The following CCDC69 variants were observed in gnomAD, a reference collection of about 807,000 sequenced individuals.
CCDC69 encodes the protein coiled-coil domain containing 69.
CCDC69 carries 38 observed loss-of-function variants against 40.3 expected under a neutral mutation model. The ratio of observed to expected loss-of-function variants is 0.94; its 90% CI spans 0.73 to 1.24. CCDC69 has a LOEUF of 1.24. Ranked by LOEUF, CCDC69 falls within the 50% of genes most tolerant of loss-of-function variation. The pLI, the probability that CCDC69 is intolerant of heterozygous loss-of-function variation, is 0.00. For missense variants in CCDC69, 389 were observed against 357.9 expected, an observed-to-expected ratio of 1.09 and a Z score of -0.70; for synonymous variants, 141 against 138.9, an observed-to-expected ratio of 1.02 and a Z score of -0.11.
chr5:151,219,201 A>G (rs1753098814), intron 1 of CCDC69, among the ~76,000 whole-genome samples: 3 of 152,294 alleles, frequency 2.0e-5, no homozygotes, highest in Admixed American at 2.0e-4. Flanking sequence ...GCCCTTACCA[A>G]CCGAGCTAGA....
chr5:151,198,943 G>A, intron 4 of CCDC69, 54 bp downstream of exon 4: 1 of 1,389,742 alleles, frequency 7.2e-7, no homozygotes, highest in Non-Finnish European at 1.0e-6. Context: ...GGCAGGTGGG[G>A]CCAGAAGGAA....
intron 4 of CCDC69, among the ~76,000 whole-genome samples, chr5:151,197,146 A>G (rs1752710733): frequency 6.6e-6 from 1 of 152,264 alleles, no homozygotes; most frequent in African/African-American, 2.4e-5. Context: ...GGGTTATACA[A>G]TCCCGTTTAT....
chr5:151,214,296 T>C (rs975359730), intron 1 of CCDC69, among the ~76,000 whole-genome samples: 1 of 152,154 alleles, frequency 6.6e-6, no homozygotes, highest in African/African-American at 2.4e-5. Context: ...CAGAGCCTAT[T>C]GGCCGAGGGT....
intron 4 of CCDC69, among the ~76,000 whole-genome samples, chr5:151,197,402 G>A (rs563733457): frequency 1.7e-4 from 26 of 152,172 alleles, no homozygotes; most frequent in East Asian, 5.8e-4. Flanking sequence ...GGTGGCACGC[G>A]CCTGTAGCTA....
intron 1 of CCDC69, among the ~76,000 whole-genome samples, chr5:151,217,839 G>A (rs1753071997): frequency 6.6e-6 from 1 of 152,220 alleles, no homozygotes; most frequent in Non-Finnish European, 1.5e-5. Context: ...CTGGGTGAAT[G>A]TAAATGTAGG....
chr5:151,208,049 G>A (rs527779176), intron 1 of CCDC69, among the ~76,000 whole-genome samples: 4 of 152,206 alleles, frequency 2.6e-5, no homozygotes, highest in African/African-American at 7.2e-5. Flanking sequence ...TCAGGAGTTC[G>A]AGATCAACCT....
intron 1 of CCDC69, among the ~76,000 whole-genome samples, 169 bp from the exon 2 acceptor site, chr5:151,205,644 T>G (rs568583688): frequency 1.4e-4 from 21 of 152,300 alleles, no homozygotes; most frequent in African/African-American, 4.8e-4. Flanking sequence ...CAGCAGACCC[T>G]CTACCGGGGG....
rs1306966758 is a variant in CCDC69, at chr5:151,181,913, C to A, written c.*1524G>T. The A allele has an allele frequency of 6.6e-6, 1 of 152,356 alleles. No homozygotes were observed. Among genetic ancestry groups the A allele is most frequent in the Admixed American group, 6.5e-5 (1 of 15,280 alleles). 9.4% of individuals were successfully genotyped at this position (152,356 alleles called of 1,614,324 possible). ...CACTCCCCTAGCCTCACCTCTTCCC[C>A]CATTTGGCTGTGGAAATGGAGAAAC... On this transcript the variant is annotated 3_prime_UTR_variant, in exon 9 of 9. Coordinates refer to ENST00000355417, the MANE Select transcript of CCDC69 (RefSeq NM_015621.3).
chr5:151,192,966 T>C (rs945353783), intron 4 of CCDC69, among the ~76,000 whole-genome samples: 3 of 152,060 alleles, frequency 2.0e-5, no homozygotes, highest in Non-Finnish European at 4.4e-5. Flanking sequence ...ATAATACAAA[T>C]AAAAATACAG....
chr5:151,183,629 A>G lies in CCDC69; in HGVS notation c.714-15T>C. On this transcript the variant is annotated splice_polypyrimidine_tract_variant and intron_variant, in intron 8 of 8. Coordinates refer to ENST00000355417, the MANE Select transcript of CCDC69 (RefSeq NM_015621.3). ...CTGACAGCTGCCTGTGGATGCACAC[A>G]GAGCCCAGGGTTGCCTACTGGGAGC... 6.3e-7 allele frequency: 1 copy of G among 1,599,174 alleles called. No individual in the cohort carries two copies. The highest frequency in any genetic ancestry group is 1.3e-5 in the African/African-American group (1 of 74,902).
At chr5:151,183,645 T>TA (rs1215688683) in intron 8 of CCDC69, 31 bp from the exon 9 acceptor site, 2 of 1,572,198 alleles carry the variant, frequency 1.3e-6, no homozygotes, top group Admixed American at 3.6e-5. Context: ...CAGGGTTGCC[T>TA]ACTGGGAGCA....
At chr5:151,213,231 C>T (rs1752978395) in intron 1 of CCDC69, among the ~76,000 whole-genome samples, 1 of 151,884 alleles carries the variant, frequency 6.6e-6, no homozygotes, top group South Asian at 2.1e-4. Context: ...GACCCCTAAA[C>T]TTCCCTCAAA....
intron 8 of CCDC69, 56 bp from the exon 9 acceptor site, chr5:151,183,670 C>A: frequency 6.7e-7 from 1 of 1,487,418 alleles, no homozygotes; most frequent in South Asian, 1.3e-5. Context: ...CCACAGAGAC[C>A]AACCCATTCC....
chr5:151,189,901 G>C (rs1447238235), intron 4 of CCDC69, among the ~76,000 whole-genome samples: 2 of 152,176 alleles, frequency 1.3e-5, no homozygotes. Context: ...TTTTCTGTTT[G>C]TTCTCGCTGA....
intron 4 of CCDC69, among the ~76,000 whole-genome samples, chr5:151,198,592 C>A (rs1752734273): frequency 6.6e-6 from 1 of 152,126 alleles, no homozygotes; most frequent in Non-Finnish European, 1.5e-5. Flanking sequence ...TGATGATCAC[C>A]TTTGGTGATA....
At chr5:151,211,518 C>CTTTTTT (rs774546814) in intron 1 of CCDC69, among the ~76,000 whole-genome samples, 45 of 108,730 alleles carry the variant, frequency 4.1e-4, no homozygotes, top group Non-Finnish European at 6.3e-4. Flanking sequence ...TTTGCATCTG[C>CTTTTTT]TTTTTTTTTT....
At chr5:151,221,312 A>G (rs1185162271) in intron 1 of CCDC69, among the ~76,000 whole-genome samples, 1 of 152,086 alleles carries the variant, frequency 6.6e-6, no homozygotes, top group Non-Finnish European at 1.5e-5. Context: ...TCCATTCTCC[A>G]CAAAGAACCC....
intron 4 of CCDC69, among the ~76,000 whole-genome samples, chr5:151,195,623 G>A (rs1752688439): frequency 6.8e-6 from 1 of 147,012 alleles, no homozygotes; most frequent in Non-Finnish European, 1.5e-5. Context: ...GGAGGCTGAG[G>A]CAGAAGAATC....
chr5:151,184,003 T>C (rs931709563), intron 8 of CCDC69, among the ~76,000 whole-genome samples: 2 of 152,214 alleles, frequency 1.3e-5, no homozygotes, highest in African/African-American at 4.8e-5. Flanking sequence ...TGACACATGA[T>C]ACTAGCTCTT....
Sources: gnomAD v4.1 joint callset for allele counts (sites outside exome capture counted in the v4.1 genomes callset) on GRCh38, gnomAD v4.1.1 for gene constraint, MANE v1.5 for transcripts, NCBI Gene and HGNC (gene_info 2026-07-23, HGNC 2026-07-21) for gene names.